KLHDC4: variants seen among roughly 807,000 people sequenced by gnomAD.
KLHDC4 encodes kelch domain containing 4, also known as kelch domain-containing protein 4.
In KLHDC4, 90 loss-of-function variants were observed where a neutral mutation model predicts 62.4. The ratio of observed to expected loss-of-function variants is 1.44; its 90% CI spans 1.22 to 1.72. KLHDC4 has a LOEUF of 1.72. Ranked by LOEUF, KLHDC4 falls within the 40% of genes most tolerant of loss-of-function variation. KLHDC4 has a pLI of 0.00. For synonymous variants in KLHDC4, 386 were observed against 284.4 expected (o/e 1.36, Z -3.59); for missense variants, 1,025 against 699.7 (o/e 1.47, Z -5.25).
At chr16:87,736,368 C>A (rs555842756) in intron 5 of KLHDC4, among the ~76,000 whole-genome samples, 1 of 152,150 alleles carries the variant, frequency 6.6e-6, no homozygotes, top group African/African-American at 2.4e-5. Flanking sequence ...TGAGGCAGCC[C>A]GACAGCAGGA....
At chr16:87,721,103 C>T (rs550177782) in intron 7 of KLHDC4, among the ~76,000 whole-genome samples, 33 of 152,220 alleles carry the variant, frequency 2.2e-4, no homozygotes, top group Non-Finnish European at 4.4e-4. Flanking sequence ...CAAGACTGAA[C>T]ATTTTCAGCT....
chr16:87,714,643 G>A (rs1288437282), intron 7 of KLHDC4, 70 bp from the exon 8 acceptor site: 3 of 1,541,384 alleles, frequency 1.9e-6, no homozygotes, highest in East Asian at 2.2e-5. Flanking sequence ...CCCCAACCCT[G>A]TGGGCGCATT....
intron 5 of KLHDC4, among the ~76,000 whole-genome samples, chr16:87,743,572 C>G (rs1226790335): frequency 6.6e-6 from 1 of 151,902 alleles, no homozygotes; most frequent in East Asian, 2.0e-4. Context: ...AACCCCGTCT[C>G]TACTTAAAAT....
intron 1 of KLHDC4, among the ~76,000 whole-genome samples, chr16:87,763,772 CTCA>C (rs1460819945): frequency 1.3e-5 from 2 of 152,182 alleles, no homozygotes; most frequent in African/African-American, 4.8e-5. Context: ...TTGGCTGAAC[CTCA>C]TCATCATTGG....
chr16:87,728,073 G>A (rs148565314), intron 6 of KLHDC4, among the ~76,000 whole-genome samples: 2 of 152,178 alleles, frequency 1.3e-5, no homozygotes, highest in African/African-American at 4.8e-5. Flanking sequence ...TATAATCCCA[G>A]CTACTCAGGA....
At chr16:87,744,229 A>G (rs1393485624) in intron 5 of KLHDC4, among the ~76,000 whole-genome samples, 4 of 152,154 alleles carry the variant, frequency 2.6e-5, no homozygotes, top group African/African-American at 4.8e-5. Flanking sequence ...CAGCCTGACC[A>G]ACGTGAAGAA....
rs376102119 is a variant in KLHDC4 at position 87,709,677 on chromosome 16, G to A, written c.1045-10C>T. 15 of 1,573,470 alleles carry A rather than the reference G, an allele frequency of 9.5e-6. No individual in the cohort carries two copies. The African/African-American group carries it at 1.9e-4, about 20-fold the overall frequency. On this transcript the variant is annotated splice_polypyrimidine_tract_variant and intron_variant, in intron 9 of 11. Coordinates refer to ENST00000270583, the MANE Select transcript of KLHDC4 (RefSeq NM_017566.4). ...TTTCAGACTTGGGTCCCTATTAATAGACCGAGGAAGCAGAGAGCAGCAGCT... is the reference window on the plus strand; with the variant it reads ...TTTCAGACTTGGGTCCCTATTAATAAACCGAGGAAGCAGAGAGCAGCAGCT...
At chr16:87,716,105 A>C (rs2036910640) in intron 7 of KLHDC4, among the ~76,000 whole-genome samples, 1 of 152,136 alleles carries the variant, frequency 6.6e-6, no homozygotes, top group African/African-American at 2.4e-5. Context: ...ACTGACGTAG[A>C]CTTTGGGTAC....
intron 8 of KLHDC4, among the ~76,000 whole-genome samples, chr16:87,712,055 G>A (rs1410234796): frequency 6.8e-6 from 1 of 146,002 alleles, no homozygotes; most frequent in Non-Finnish European, 1.5e-5. Flanking sequence ...CTTCGCCCGG[G>A]GGCTGCAGTG....
chr16:87,743,793 G>T (rs949860102), intron 5 of KLHDC4, among the ~76,000 whole-genome samples: 1 of 151,870 alleles, frequency 6.6e-6, no homozygotes, highest in Non-Finnish European at 1.5e-5. Context: ...AACTTCCCAG[G>T]GTGTTTAGAG....
intron 5 of KLHDC4, among the ~76,000 whole-genome samples, chr16:87,746,408 TGAGA>T (rs2043049573): frequency 7.1e-6 from 1 of 140,952 alleles, no homozygotes; most frequent in Non-Finnish European, 1.6e-5. Context: ...AGAAAGAGAG[TGAGA>T]GAAAGATTAA....
chr16:87,730,522 G>C lies in KLHDC4; in HGVS notation c.599+30C>G, dbSNP rs765339991. 6 of 1,563,518 alleles carry C rather than the reference G, an allele frequency of 3.8e-6. No homozygotes were observed. The East Asian group carries it at 9.0e-5, about 23-fold the overall frequency. ...AAGCCCACTCCTTAATGCTTCAGGA[G>C]AGAAAGATTTTTCCGTTCTTGGTAC... On this transcript the variant is annotated intron_variant, in intron 6 of 11. Coordinates refer to ENST00000270583, the MANE Select transcript of KLHDC4 (RefSeq NM_017566.4).
At chr16:87,734,241 G>A (rs2143007121) in intron 5 of KLHDC4, among the ~76,000 whole-genome samples, 1 of 151,362 alleles carries the variant, frequency 6.6e-6, no homozygotes, top group East Asian at 2.0e-4. Flanking sequence ...CTACTCAGGA[G>A]GCTGAGGCAG....
intron 5 of KLHDC4, among the ~76,000 whole-genome samples, chr16:87,737,375 G>C (rs1414369353): frequency 6.6e-6 from 1 of 151,966 alleles, no homozygotes; most frequent in Non-Finnish European, 1.5e-5. Context: ...ATCACTTGAA[G>C]TCAGGAGTTC....
At chr16:87,744,079 G>A (rs1156518722) in intron 5 of KLHDC4, among the ~76,000 whole-genome samples, 1 of 152,144 alleles carries the variant, frequency 6.6e-6, no homozygotes, top group African/African-American at 2.4e-5. Context: ...AGGAGTTCAA[G>A]ACCAGCCTGG....
chr16:87,757,058 GC>G (rs1240612212), intron 2 of KLHDC4, among the ~76,000 whole-genome samples: 2 of 151,936 alleles, frequency 1.3e-5, no homozygotes, highest in Non-Finnish European at 2.9e-5. Flanking sequence ...CAAGTGATCT[GC>G]CCACCTCGGC....
chr16:87,704,591 G>A (rs565907904), downstream of KLHDC4, among the ~76,000 whole-genome samples: 8 of 145,908 alleles, frequency 5.5e-5, no homozygotes, highest in South Asian at 4.4e-4. Context: ...TGAACGTCAC[G>A]GAGAAGGAGG....
intron 7 of KLHDC4, among the ~76,000 whole-genome samples, chr16:87,716,804 C>T (rs1023265349): frequency 2.0e-5 from 3 of 152,212 alleles, no homozygotes; most frequent in African/African-American, 7.2e-5. Flanking sequence ...CAGTGGCAGG[C>T]GCCTGTAGTC....
At chr16:87,703,145 G>C (rs571093272), downstream of KLHDC4, 14 of 152,408 alleles carry the variant, frequency 9.2e-5, no homozygotes, top group East Asian at 2.7e-3. Context: ...GACAGAGCTA[G>C]TCGGCACGTG....
Sources: allele counts gnomAD v4.1 joint callset (sites outside exome capture counted in the v4.1 genomes callset), GRCh38; gene constraint gnomAD v4.1.1; transcripts MANE v1.5; gene names NCBI Gene and HGNC (gene_info 2026-07-23, HGNC 2026-07-21).